PRKAR1A: variants seen among roughly 807,000 people sequenced by gnomAD.
The protein encoded by PRKAR1A is cAMP-dependent protein kinase type I-alpha regulatory subunit.
Under a neutral mutation model 52.0 loss-of-function variants are expected in PRKAR1A, and 3 were observed. The ratio of observed to expected loss-of-function variants is 0.06; its 90% CI spans 0.03 to 0.15. The LOEUF is 0.15. Ranked by LOEUF, PRKAR1A falls within the 10% of genes least tolerant of loss-of-function variation. The probability of loss-of-function intolerance (pLI) is 1.00; values close to 1 mark genes in which losing one functional copy is unlikely to be tolerated. For synonymous variants in PRKAR1A, 188 were observed against 168.4 expected, an observed-to-expected ratio of 1.12 and a Z score of -0.90; for missense variants, 240 against 477.4, an observed-to-expected ratio of 0.50 and a Z score of 4.63.
Position 68,524,025 on chromosome 17 carries a change from T to C in PRKAR1A, c.450T>C (p.Phe150=), listed in dbSNP as rs2143293186. The change falls in exon 5 of 11, where the codon TTT becomes TTC. Residue 150 remains phenylalanine, a synonymous_variant. Transcript: ENST00000589228. ...HLDDNERSDI[F]DAMFSVSFIA... is the part of the protein sequence containing the mutation. Reference sequence around the variant, plus strand: ...CTTCTCTCTTTTGCAGTGATATTTTTGATGCCATGTTTTCGGTCTCCTTTA... The same window carrying C: ...CTTCTCTCTTTTGCAGTGATATTTTCGATGCCATGTTTTCGGTCTCCTTTA... 1.2e-6 allele frequency: 2 copies of C among 1,614,158 alleles called. No individual in the cohort carries two copies.
intron 2 of PRKAR1A, among the ~76,000 whole-genome samples, chr17:68,517,488 A>G (rs1006913870): frequency 6.6e-6 from 1 of 152,224 alleles, no homozygotes; most frequent in Non-Finnish European, 1.5e-5. Context: ...TCCTCTTCAC[A>G]TGGCAGCAGC....
chr17:68,497,003 T>C, the PRKAR1A span, among the ~76,000 whole-genome samples: 24 of 152,000 alleles, frequency 1.6e-4, no homozygotes, highest in African/African-American at 5.8e-4. Flanking sequence ...TTTGTATTTT[T>C]TGTGGAGACA....
At chr17:68,514,337 T>G (rs555828174) in intron 1 of PRKAR1A, among the ~76,000 whole-genome samples, 1 of 152,356 alleles carries the variant, frequency 6.6e-6, no homozygotes, top group East Asian at 1.9e-4. Context: ...AAAGTCTGAT[T>G]AGTATTGAAT....
At chr17:68,499,368 A>AAGAGAGAGAGAGAGAG in the PRKAR1A span, among the ~76,000 whole-genome samples, 139 of 140,470 alleles carry the variant, frequency 9.9e-4, 2 homozygotes, top group Middle Eastern at 7.8e-3. Context: ...AAGGGAGGAA[A>AAGAGAGAGAGAGAGAG]AGAGAGAGAG....
the PRKAR1A span, among the ~76,000 whole-genome samples, chr17:68,418,168 G>T: frequency 6.4e-3 from 982 of 152,282 alleles, 12 homozygotes; most frequent in African/African-American, 0.023. Context: ...GACATTGTTG[G>T]TGATGCATTG....
intron 2 of PRKAR1A, among the ~76,000 whole-genome samples, chr17:68,521,293 G>C (rs1344110916): frequency 1.3e-5 from 2 of 152,012 alleles, no homozygotes; most frequent in African/African-American, 4.8e-5. Context: ...GCAGTGGTGC[G>C]ATCATGGCTC....
the PRKAR1A span, chr17:68,429,979 G>A: frequency 6.2e-7 from 1 of 1,613,898 alleles, no homozygotes; most frequent in Non-Finnish European, 8.5e-7. Context: ...GTTCAGAGTG[G>A]GTGTCATTGT....
chr17:68,510,164 A>AGAGAGAGAGAGAGAGAGG (rs2085245123), upstream of PRKAR1A, among the ~76,000 whole-genome samples: 1 of 146,582 alleles, frequency 6.8e-6, no homozygotes, highest in Non-Finnish European at 1.5e-5. Flanking sequence ...GTAGACAGAG[A>AGAGAGAGAGAGAGAGAGG]GAGAGAGAGA....
At chr17:68,469,889 C>A in the PRKAR1A span, among the ~76,000 whole-genome samples, 9 of 151,984 alleles carry the variant, frequency 5.9e-5, no homozygotes, top group African/African-American at 2.2e-4. Context: ...CCCAAACATA[C>A]AAAACACAGG....
At chr17:68,464,281 A>G in the PRKAR1A span, among the ~76,000 whole-genome samples, 18 of 152,208 alleles carry the variant, frequency 1.2e-4, no homozygotes, top group Admixed American at 3.9e-4. Flanking sequence ...GCTTCACAAC[A>G]CATCCATTCC....
At chr17:68,441,592 G>A in the PRKAR1A span, among the ~76,000 whole-genome samples, 2 of 152,182 alleles carry the variant, frequency 1.3e-5, no homozygotes, top group African/African-American at 4.8e-5. Context: ...CCCGAGTGAG[G>A]ACCTGGTCAT....
At chr17:68,520,387 A>C (rs2085567464) in intron 2 of PRKAR1A, among the ~76,000 whole-genome samples, 1 of 152,194 alleles carries the variant, frequency 6.6e-6, no homozygotes, top group Admixed American at 6.5e-5. Context: ...TGCAAAACCG[A>C]ATGCAGAATT....
the PRKAR1A span, chr17:68,422,794 C>G: frequency 2.0e-5 from 3 of 148,046 alleles, no homozygotes; most frequent in Non-Finnish European, 4.5e-5. Flanking sequence ...GATTTCCTGA[C>G]TCTTGCTCAC....
downstream of PRKAR1A, chr17:68,537,392 A>T (rs1365521100): frequency 1.1e-5 from 17 of 1,534,158 alleles, no homozygotes; most frequent in Non-Finnish European, 1.3e-5. This position sits in a 1 kb window ranked among gnomAD's most constrained non-coding sequence, Gnocchi z 4.2. Context: ...CAGCAGTAAC[A>T]GGTGGGAGTG....
the PRKAR1A span, among the ~76,000 whole-genome samples, chr17:68,462,288 A>T: frequency 6.6e-6 from 1 of 151,920 alleles, no homozygotes. Context: ...TCACGAAGAC[A>T]GTTGCTTTCT....
At position 68,531,098 on chromosome 17, in the gene PRKAR1A, T is replaced by G; in HGVS notation, c.*649T>G. Reference sequence around the variant, plus strand: ...TTATTTATATCTTGTTATTAATGTTTCTTCTCCAATTCTGAAATACTTTTG... The same window carrying G: ...TTATTTATATCTTGTTATTAATGTTGCTTCTCCAATTCTGAAATACTTTTG... On this transcript the variant is annotated 3_prime_UTR_variant, in exon 11 of 11. Coordinates refer to ENST00000589228, the MANE Select transcript of PRKAR1A (RefSeq NM_002734.5). 9.4e-7 allele frequency: 1 copy of G among 1,067,786 alleles called. No homozygotes were observed. The highest frequency in any genetic ancestry group is 1.1e-6 in the Non-Finnish European group (1 of 880,620). The allele number at this position is 1,067,786 out of a possible 1,614,324, so 66.1% of individuals were successfully genotyped here.
At chr17:68,468,716 T>C in the PRKAR1A span, among the ~76,000 whole-genome samples, 3 of 152,198 alleles carry the variant, frequency 2.0e-5, no homozygotes, top group Admixed American at 2.0e-4. Flanking sequence ...GCTGAATATC[T>C]AAAGAGGGTA....
chr17:68,453,087 T>C, the PRKAR1A span: 1 of 951,064 alleles, frequency 1.1e-6, no homozygotes, highest in Non-Finnish European at 1.7e-6. Context: ...GCCTCAGGGG[T>C]ACAGTAAACA....
At chr17:68,457,964 G>C in the PRKAR1A span, among the ~76,000 whole-genome samples, 1 of 152,218 alleles carries the variant, frequency 6.6e-6, no homozygotes, top group Non-Finnish European at 1.5e-5. Context: ...GCCGCCGCAA[G>C]GGTGACAGGA....
Sources: gnomAD v4.1 joint callset for allele counts (sites outside exome capture counted in the v4.1 genomes callset) on GRCh38, gnomAD v4.1.1 for gene constraint, Gnocchi (gnomAD v3.1) non-coding constraint, MANE v1.5 for transcripts, NCBI Gene and HGNC (gene_info 2026-07-23, HGNC 2026-07-21) for gene names.